Variants in PRUNE2 observed in about 807,000 individuals in gnomAD.
PRUNE2 encodes the protein protein prune homolog 2.
In PRUNE2, 164 loss-of-function variants were observed where a neutral mutation model predicts 252.0. The ratio of observed to expected loss-of-function variants is 0.65; its 90% CI spans 0.57 to 0.74. PRUNE2 has a LOEUF of 0.74. Ranked by LOEUF, PRUNE2 falls within the 30% of genes least tolerant of loss-of-function variation. The pLI is 0.00. For synonymous variants in PRUNE2, 1,292 were observed against 1,350.2 expected (o/e 0.96, Z 0.94); for missense variants, 3,495 against 3,711.0 (o/e 0.94, Z 1.51).
At chr9:76,857,220 C>A in intron 1 of PRUNE2, 2 of 442,008 alleles carry the variant, frequency 4.5e-6, no homozygotes, top group South Asian at 1.6e-5. Flanking sequence ...CCCCTCCACC[C>A]CCATCCATCA....
At chr9:76,897,568 C>G (rs1326361583) in intron 1 of PRUNE2, among the ~76,000 whole-genome samples, 1 of 151,744 alleles carries the variant, frequency 6.6e-6, no homozygotes, top group African/African-American at 2.4e-5. Flanking sequence ...TGCACACCAC[C>G]ACGCCCAGTT....
At chr9:76,640,513 T>G (rs540465621) in intron 12 of PRUNE2, among the ~76,000 whole-genome samples, 3 of 152,338 alleles carry the variant, frequency 2.0e-5, no homozygotes, top group African/African-American at 7.2e-5. Context: ...ATGTAAGTAT[T>G]CAACTGATGC....
intron 10 of PRUNE2, 80 bp from the exon 11 acceptor site, chr9:76,652,763 C>A (rs1484499495): frequency 2.0e-6 from 2 of 999,512 alleles, no homozygotes; most frequent in Non-Finnish European, 3.1e-6. Context: ...ATCCCAAATG[C>A]TCCAAAATCT....
intron 9 of PRUNE2, among the ~76,000 whole-genome samples, chr9:76,672,087 A>G (rs918952675): frequency 6.6e-6 from 1 of 151,972 alleles, no homozygotes; most frequent in Non-Finnish European, 1.5e-5. Flanking sequence ...TAAATGCTCC[A>G]ATTAAAAGAC....
intron 6 of PRUNE2, among the ~76,000 whole-genome samples, chr9:76,715,168 G>T (rs544776871): frequency 6.6e-6 from 1 of 152,216 alleles, no homozygotes; most frequent in African/African-American, 2.4e-5. Context: ...GAACGATGCC[G>T]TGCAGAGAGT....
At chr9:76,823,389 G>A (rs973723397) in intron 6 of PRUNE2, 10 of 457,348 alleles carry the variant, frequency 2.2e-5, no homozygotes, top group Non-Finnish European at 3.5e-5. Flanking sequence ...GTTTGTTTTA[G>A]GCTTTGTTTT....
chr9:76,756,765 C>T (rs114735027), intron 6 of PRUNE2, among the ~76,000 whole-genome samples: 2,879 of 152,254 alleles, frequency 0.019, 82 homozygotes, highest in African/African-American at 0.064. Flanking sequence ...GGATGTTTCA[C>T]GCCAAGTGTG....
At chr9:76,717,855 C>T (rs563548024) in intron 6 of PRUNE2, among the ~76,000 whole-genome samples, 12 of 152,128 alleles carry the variant, frequency 7.9e-5, no homozygotes, top group African/African-American at 1.7e-4. Context: ...CTTTGTCACT[C>T]GTGATTCCGA....
chr9:76,840,746 T>C (rs547523944), intron 4 of PRUNE2, among the ~76,000 whole-genome samples: 56 of 152,252 alleles, frequency 3.7e-4, no homozygotes, highest in Middle Eastern at 3.4e-3. Context: ...TTTGGGAGGC[T>C]GAGGCGGGCA....
At chr9:76,838,012 C>G (rs1204299815) in intron 4 of PRUNE2, among the ~76,000 whole-genome samples, 1 of 152,086 alleles carries the variant, frequency 6.6e-6, no homozygotes, top group East Asian at 1.9e-4. Context: ...ACCTCGTGAT[C>G]TGCCCGCCTC....
At chr9:76,626,698 A>G (rs1007487430) in intron 16 of PRUNE2, among the ~76,000 whole-genome samples, 1 of 152,180 alleles carries the variant, frequency 6.6e-6, no homozygotes, top group Non-Finnish European at 1.5e-5. Context: ...AGAGTCTCTA[A>G]AAGCAACAGG....
intron 6 of PRUNE2, among the ~76,000 whole-genome samples, chr9:76,724,581 A>C (rs1020136991): frequency 2.0e-5 from 3 of 152,182 alleles, no homozygotes; most frequent in African/African-American, 4.8e-5. Context: ...ATCCCATCCT[A>C]TCTTCCATAA....
chr9:76,673,873 C>G (rs2134005863), intron 9 of PRUNE2, among the ~76,000 whole-genome samples: 1 of 152,214 alleles, frequency 6.6e-6, no homozygotes, highest in Middle Eastern at 3.4e-3. Flanking sequence ...GCTAAAAACT[C>G]TCAATAAATT....
intron 1 of PRUNE2, among the ~76,000 whole-genome samples, chr9:76,901,815 T>C (rs755479046): frequency 5.3e-5 from 8 of 152,234 alleles, no homozygotes; most frequent in Non-Finnish European, 1.2e-4. Flanking sequence ...TCCACAGCTG[T>C]CACTGCTGAA....
intron 6 of PRUNE2, among the ~76,000 whole-genome samples, chr9:76,803,480 C>A (rs1488284332): frequency 6.6e-6 from 1 of 152,088 alleles, no homozygotes; most frequent in Admixed American, 6.5e-5. Flanking sequence ...TCAGCCAATC[C>A]CCATGATTTT....
intron 5 of PRUNE2, 133 bp from the exon 6 acceptor site, chr9:76,823,859 T>A (rs1390997941): frequency 1.1e-5 from 7 of 617,764 alleles, no homozygotes; most frequent in Admixed American, 5.4e-5. Flanking sequence ...TTATCCACAA[T>A]AAACACACAC....
chr9:76,846,172 C>T (rs1371200019), intron 4 of PRUNE2, among the ~76,000 whole-genome samples: 4 of 152,306 alleles, frequency 2.6e-5, no homozygotes, highest in South Asian at 2.1e-4. Context: ...TTGGCATTCT[C>T]GTCCCTATCA....
At chr9:76,794,796 A>T (rs1477680874) in intron 6 of PRUNE2, among the ~76,000 whole-genome samples, 1 of 152,142 alleles carries the variant, frequency 6.6e-6, no homozygotes, top group Non-Finnish European at 1.5e-5. Context: ...TGGGAATGCA[A>T]ATACCAAGTA....
intron 4 of PRUNE2, among the ~76,000 whole-genome samples, chr9:76,831,004 T>A (rs1156395976): frequency 7.9e-5 from 12 of 151,542 alleles, no homozygotes; most frequent in African/African-American, 1.2e-4. Context: ...ATCTCGGCTC[T>A]CTGCAAGCTC....
Sources: allele counts gnomAD v4.1 joint callset (sites outside exome capture counted in the v4.1 genomes callset), GRCh38; gene constraint gnomAD v4.1.1; transcripts MANE v1.5; gene names NCBI Gene and HGNC (gene_info 2026-07-23, HGNC 2026-07-21).